Variants in TMC5 observed in about 807,000 individuals in gnomAD.
TMC5 encodes the protein transmembrane channel-like protein 5.
TMC5 carries 86 observed loss-of-function variants against 110.5 expected under a neutral mutation model. The ratio of observed to expected loss-of-function variants is 0.78; its 90% CI spans 0.65 to 0.93. The LOEUF (loss-of-function observed/expected upper bound fraction) is 0.93. Among genes scored for constraint, TMC5 ranks in the 40% least tolerant of loss-of-function variants. The probability of loss-of-function intolerance (pLI) is 0.00; values close to 1 mark genes in which losing one functional copy is unlikely to be tolerated. For synonymous variants in TMC5, 455 were observed against 439.5 expected (o/e 1.04, Z -0.44); for missense variants, 1,144 against 1,222.8 (o/e 0.94, Z 0.96).
chr16:19,437,233 C>T (rs925457127), intron 2 of TMC5, among the ~76,000 whole-genome samples: 3 of 152,214 alleles, frequency 2.0e-5, no homozygotes, highest in African/African-American at 7.2e-5. Flanking sequence ...CAGAGCTTCT[C>T]TCTTCCCTAC....
intron 9 of TMC5, among the ~76,000 whole-genome samples, chr16:19,469,240 G>A (rs1244632843): frequency 6.6e-6 from 1 of 151,746 alleles, no homozygotes; most frequent in Non-Finnish European, 1.5e-5. Flanking sequence ...TGTAATCCCT[G>A]TTACTTGGGA....
At chr16:19,496,887 CAAAAAAAAA>C (rs67040638) in intron 20 of TMC5, among the ~76,000 whole-genome samples, 3 of 80,222 alleles carry the variant, frequency 3.7e-5, no homozygotes, top group African/African-American at 5.2e-5. Context: ...AAGACTCTGT[CAAAAAAAAA>C]AAAAAAAAAA....
chr16:19,438,287 G>C (rs1026659418), intron 2 of TMC5, among the ~76,000 whole-genome samples: 2 of 149,912 alleles, frequency 1.3e-5, no homozygotes, highest in African/African-American at 4.9e-5. Flanking sequence ...AGCTACTCAG[G>C]AGGCTGAGAT....
In TMC5 at chr16:19,474,269, C is replaced by T; in HGVS notation, c.2083C>T (p.Leu695=). Residue 695 remains leucine, a synonymous_variant, in exon 12 of 22, where the codon CTG becomes TTG. Coordinates refer to ENST00000542583, the MANE Select transcript of TMC5 (RefSeq NM_001261841.2). ...GCCACGGCACGAAGTCTACGTTCTCCTGATCCGGTAGGTGATGTGTCGCGC... is the reference window on the plus strand; with the variant it reads ...GCCACGGCACGAAGTCTACGTTCTCTTGATCCGGTAGGTGATGTGTCGCGC... ...EMPRHEVYVL[L]IRNIFLKISI... is the part of the protein sequence containing the mutation. 1 of 1,613,918 alleles carries T rather than the reference C, an allele frequency of 6.2e-7. No individual in the cohort carries two copies. Among genetic ancestry groups the T allele is most frequent in the South Asian group, 1.1e-5 (1 of 91,038 alleles).
chr16:19,417,094 C>A (rs141698280), upstream of TMC5, among the ~76,000 whole-genome samples: 329 of 69,006 alleles, frequency 4.8e-3, no homozygotes, highest in East Asian at 0.01. Flanking sequence ...ACTCAGTCTT[C>A]AAAAAAAAAA....
intron 2 of TMC5, among the ~76,000 whole-genome samples, chr16:19,439,711 A>G (rs1967435634): frequency 6.6e-6 from 1 of 152,142 alleles, no homozygotes; most frequent in African/African-American, 2.4e-5. Context: ...AGATGGAGAA[A>G]GGGAGAAATA....
At position 19,474,291 on chromosome 16, in the gene TMC5, G is replaced by A. The variant is rs763002999; in HGVS notation, c.2090+15G>A. On this transcript the variant is annotated intron_variant, in intron 12 of 21. Transcript: ENST00000542583. Reference sequence around the variant, plus strand: ...CTCCTGATCCGGTAGGTGATGTGTCGCGCCCAACACCAGCCTCTATTTCCA... The same window carrying A: ...CTCCTGATCCGGTAGGTGATGTGTCACGCCCAACACCAGCCTCTATTTCCA... 36 of 1,611,228 alleles carry A rather than the reference G, an allele frequency of 2.2e-5. No individual in the cohort carries two copies. The highest frequency in any genetic ancestry group is 4.5e-5 in the East Asian group (2 of 44,762).
chr16:19,464,135 T>A, intron 8 of TMC5, 111 bp downstream of exon 8: 1 of 1,234,710 alleles, frequency 8.1e-7, no homozygotes, highest in Non-Finnish European at 1.1e-6. Flanking sequence ...GGTCAACTGA[T>A]GGGGAAAGTG....
upstream of TMC5, among the ~76,000 whole-genome samples, chr16:19,415,042 A>T (rs1479350501): frequency 6.6e-6 from 1 of 152,200 alleles, no homozygotes; most frequent in African/African-American, 2.4e-5. Flanking sequence ...AGGATATCTA[A>T]GCAAATACTG....
intron 13 of TMC5, 71 bp downstream of exon 13, chr16:19,477,589 C>T: frequency 4.8e-6 from 5 of 1,041,520 alleles, no homozygotes; most frequent in Non-Finnish European, 7.2e-6. Context: ...ACAGGGGTTT[C>T]TCAAGAGCCA....
At chr16:19,485,606 A>G (rs115885576) in intron 15 of TMC5, among the ~76,000 whole-genome samples, 112 of 152,336 alleles carry the variant, frequency 7.4e-4, no homozygotes, top group African/African-American at 2.4e-3. Flanking sequence ...CCTCTCACAT[A>G]TATTTTTAAG....
intron 3 of TMC5, among the ~76,000 whole-genome samples, chr16:19,442,744 A>T (rs1417639582): frequency 6.6e-6 from 1 of 152,214 alleles, no homozygotes; most frequent in Non-Finnish European, 1.5e-5. Flanking sequence ...AGTAATATTT[A>T]TGAATTTGAT....
chr16:19,450,894 G>C (rs982062251), intron 5 of TMC5, among the ~76,000 whole-genome samples: 1 of 152,156 alleles, frequency 6.6e-6, no homozygotes, highest in Non-Finnish European at 1.5e-5. Context: ...GATAGAAGGC[G>C]CTGCAATCAG....
chr16:19,493,319 A>G (rs147980571), intron 19 of TMC5, among the ~76,000 whole-genome samples: 153 of 152,108 alleles, frequency 1.0e-3, no homozygotes, highest in African/African-American at 3.6e-3. Flanking sequence ...AAACTTAACA[A>G]TAATTTATTA....
At chr16:19,484,803 C>T in intron 15 of TMC5, among the ~76,000 whole-genome samples, 1 of 149,296 alleles carries the variant, frequency 6.7e-6, no homozygotes, top group Non-Finnish European at 1.5e-5. Flanking sequence ...ACCATTATGA[C>T]TTCTGGGCCT....
At chr16:19,491,321 G>GT (rs112999899) in intron 18 of TMC5, among the ~76,000 whole-genome samples, 2,152 of 151,984 alleles carry the variant, frequency 0.014, 54 homozygotes, top group African/African-American at 0.048. Flanking sequence ...TGCATTGATA[G>GT]TTTTTTTGAA....
intron 18 of TMC5, among the ~76,000 whole-genome samples, chr16:19,490,911 C>CCTTCT (rs1968881844): frequency 7.6e-6 from 1 of 131,954 alleles, no homozygotes; most frequent in African/African-American, 2.8e-5. Context: ...CCCTCCCTTC[C>CCTTCT]CTTCCCCTTC....
At chr16:19,438,503 T>C (rs970072321) in intron 2 of TMC5, among the ~76,000 whole-genome samples, 2 of 139,742 alleles carry the variant, frequency 1.4e-5, no homozygotes, top group South Asian at 2.5e-4. Flanking sequence ...TCCAAGCATT[T>C]TGGGAGGCCG....
intron 1 of TMC5, among the ~76,000 whole-genome samples, chr16:19,419,640 C>T (rs1051783935): frequency 6.6e-6 from 1 of 151,866 alleles, no homozygotes; most frequent in Non-Finnish European, 1.5e-5. Flanking sequence ...TCTGAATCTC[C>T]TGACCTCGTG....
Sources: allele counts gnomAD v4.1 joint callset (sites outside exome capture counted in the v4.1 genomes callset), GRCh38; gene constraint gnomAD v4.1.1; transcripts MANE v1.5; gene names NCBI Gene and HGNC (gene_info 2026-07-23, HGNC 2026-07-21).